The following PHF11 variants were observed in gnomAD, a reference collection of about 807,000 sequenced individuals.
The protein encoded by PHF11 is PHD finger protein 11.
PHF11 carries 38 observed loss-of-function variants against 40.5 expected under a neutral mutation model. The ratio of observed to expected loss-of-function variants is 0.94; its 90% CI spans 0.72 to 1.23. The LOEUF (loss-of-function observed/expected upper bound fraction) is 1.23. Among genes scored for constraint, PHF11 ranks in the 50% most tolerant of loss-of-function variants. The pLI is 0.00. For synonymous variants in PHF11, 127 were observed against 138.2 expected (o/e 0.92, Z 0.57); for missense variants, 369 against 392.4 (o/e 0.94, Z 0.50).
intron 2 of PHF11, among the ~76,000 whole-genome samples, chr13:49,507,194 C>T (rs981202271): frequency 6.6e-6 from 1 of 151,990 alleles, no homozygotes; most frequent in Non-Finnish European, 1.5e-5. Context: ...TGTGAGCCAC[C>T]ACGCCCGGGC....
chr13:49,524,109 T>G lies in PHF11; in HGVS notation c.662T>G (p.Leu221Arg). Reference sequence around the variant, plus strand: ...GATGCAACTGTGAAAGTTCCTTTTCTTAAGAAATGCAAGGAAGCAGGACTT... The same window carrying G: ...GATGCAACTGTGAAAGTTCCTTTTCGTAAGAAATGCAAGGAAGCAGGACTT... ...HTDATVKVPF[L>R]KKCKEAGLLN... The change falls in exon 8 of 10, where the codon CTT becomes CGT. Residue 221 changes from leucine (L) to arginine (R), a missense_variant. Physicochemically the swap from Leu to Arg is moderately radical, Grantham distance 102. Coordinates refer to ENST00000378319, the MANE Select transcript of PHF11 (RefSeq NM_001040443.3). 1 of 1,606,682 alleles carries G rather than the reference T, an allele frequency of 6.2e-7. No homozygotes were observed. Among genetic ancestry groups the G allele is most frequent in the Non-Finnish European group, 8.5e-7 (1 of 1,176,292 alleles).
In PHF11 at chr13:49,524,141, T is replaced by C; in HGVS notation, c.694T>C (p.Tyr232His). 1 of 1,605,566 alleles carries C rather than the reference T, an allele frequency of 6.2e-7. No individual in the cohort carries two copies. Among genetic ancestry groups the C allele is most frequent in the Admixed American group, 1.7e-5 (1 of 59,622 alleles). Residue 232 changes from tyrosine to histidine, a missense_variant, in exon 8 of 10, where the codon TAC becomes CAC. Coordinates refer to ENST00000378319, the MANE Select transcript of PHF11 (RefSeq NM_001040443.3). The stretch of plus-strand genomic sequence containing the variant: ...ATGCAAGGAAGCAGGACTTCTTAAT[T>C]ACTTACTTGAAGAAATATTAGACAA... ...KKCKEAGLLN[Y>H]LLEEILDKVH...
chr13:49,506,348 A>G (rs1024230652), intron 1 of PHF11, among the ~76,000 whole-genome samples: 1 of 152,152 alleles, frequency 6.6e-6, no homozygotes, highest in Admixed American at 6.5e-5. Context: ...ACTGCACTCC[A>G]GCCTGGTCAA....
chr13:49,501,012 T>G (rs866779483), intron 1 of PHF11, among the ~76,000 whole-genome samples: 1,838 of 124,198 alleles, frequency 0.015, 103 homozygotes, highest in Middle Eastern at 0.031. Flanking sequence ...TTTTTTTTTT[T>G]TTTGGTTTTT....
At chr13:49,510,172 G>C (rs919051403) in intron 2 of PHF11, among the ~76,000 whole-genome samples, 1 of 151,992 alleles carries the variant, frequency 6.6e-6, no homozygotes, top group Non-Finnish European at 1.5e-5. Context: ...CTATAGGCAT[G>C]TGCCACTGTG....
chr13:49,515,079 G>T (rs924849333), intron 3 of PHF11, among the ~76,000 whole-genome samples: 17 of 152,108 alleles, frequency 1.1e-4, no homozygotes, highest in Admixed American at 1.1e-3. Context: ...CATAATATTT[G>T]GGGGAAAGCA....
At chr13:49,507,281 G>C (rs1041711654) in intron 2 of PHF11, among the ~76,000 whole-genome samples, 4 of 152,060 alleles carry the variant, frequency 2.6e-5, no homozygotes, top group African/African-American at 9.7e-5. Context: ...TTCTACCCAG[G>C]TATAATTTCT....
chr13:49,520,681 C>A (rs1959183381), intron 4 of PHF11, among the ~76,000 whole-genome samples: 1 of 152,058 alleles, frequency 6.6e-6, no homozygotes, highest in Admixed American at 6.5e-5. Context: ...TAATCATCTT[C>A]CTAAGTCCCT....
At chr13:49,509,001 G>T (rs1234870776) in intron 2 of PHF11, among the ~76,000 whole-genome samples, 1 of 151,964 alleles carries the variant, frequency 6.6e-6, no homozygotes, top group African/African-American at 2.4e-5. Context: ...TGCTTGTTCT[G>T]CATCTATTGA....
At chr13:49,505,724 C>G (rs909254791) in intron 1 of PHF11, among the ~76,000 whole-genome samples, 3 of 152,138 alleles carry the variant, frequency 2.0e-5, no homozygotes, top group Non-Finnish European at 2.9e-5. Context: ...CTCCCTCTCT[C>G]TGCCTCTTGC....
chr13:49,524,054 T>C, intron 7 of PHF11, 31 bp from the exon 8 acceptor site: 1 of 1,588,876 alleles, frequency 6.3e-7, no homozygotes, highest in South Asian at 1.1e-5. Context: ...CCTAAGACTA[T>C]TTCCTTCTCA....
intron 8 of PHF11, chr13:49,525,866 G>A: frequency 2.3e-6 from 1 of 442,756 alleles, no homozygotes; most frequent in Non-Finnish European, 4.5e-6. Context: ...TTCTGATTCA[G>A]TACAAATACC....
intron 4 of PHF11, among the ~76,000 whole-genome samples, chr13:49,519,815 A>G (rs1319961462): frequency 6.6e-6 from 1 of 152,192 alleles, no homozygotes; most frequent in Admixed American, 6.5e-5. Context: ...CAGAGATACC[A>G]GAATCAAAGT....
At chr13:49,506,548 C>T in intron 1 of PHF11, 87 bp from the exon 2 acceptor site, 2 of 1,182,874 alleles carry the variant, frequency 1.7e-6, no homozygotes, top group South Asian at 1.3e-5. Context: ...AAACAAGTGC[C>T]CTGCCTTCCA....
At chr13:49,497,125 A>G in intron 1 of PHF11, 1 of 1,289,604 alleles carries the variant, frequency 7.8e-7, no homozygotes. Flanking sequence ...CAAAGGCACC[A>G]AACCACAAAA....
At chr13:49,515,144 T>G (rs1036739563) in intron 3 of PHF11, among the ~76,000 whole-genome samples, 1 of 152,048 alleles carries the variant, frequency 6.6e-6, no homozygotes, top group African/African-American at 2.4e-5. Context: ...CTGGGAAGGC[T>G]TTGGGATGGG....
intron 2 of PHF11, 119 bp downstream of exon 2, chr13:49,506,875 T>C: frequency 1.8e-6 from 1 of 545,970 alleles, no homozygotes; most frequent in Non-Finnish European, 3.0e-6. Flanking sequence ...TTTGAGCTTT[T>C]AGGTGAAGAT....
At chr13:49,506,552 C>T (rs1449220823) in intron 1 of PHF11, 83 bp from the exon 2 acceptor site, 1 of 1,218,172 alleles carries the variant, frequency 8.2e-7, no homozygotes, top group Non-Finnish European at 1.2e-6. Flanking sequence ...AAGTGCCCTG[C>T]CTTCCACTTG....
intron 9 of PHF11, 96 bp downstream of exon 9, chr13:49,526,554 G>A: frequency 1.3e-6 from 1 of 755,828 alleles, no homozygotes. Context: ...AAATATTTTA[G>A]AAGAATGTTC....
Sources: gnomAD v4.1 joint callset for allele counts (sites outside exome capture counted in the v4.1 genomes callset) on GRCh38, gnomAD v4.1.1 for gene constraint, MANE v1.5 for transcripts, NCBI Gene and HGNC (gene_info 2026-07-23, HGNC 2026-07-21) for gene names.